IL1RL2: variants seen among roughly 807,000 people sequenced by gnomAD.
IL1RL2 encodes the protein interleukin-1 receptor-like 2.
Under a neutral mutation model 66.8 loss-of-function variants are expected in IL1RL2, and 68 were observed. The observed-to-expected ratio is 1.02, with a 90% CI of 0.84 to 1.25. The LOEUF is 1.25. Among genes scored for constraint, IL1RL2 ranks in the 50% most tolerant of loss-of-function variants. The pLI is 0.00. For missense variants in IL1RL2, 729 were observed against 709.3 expected (o/e 1.03, Z -0.32); for synonymous variants, 305 against 264.6 (o/e 1.15, Z -1.48).
chr2:102,202,811 C>A (rs1186847235), intron 5 of IL1RL2, among the ~76,000 whole-genome samples: 1 of 152,172 alleles, frequency 6.6e-6, no homozygotes, highest in Non-Finnish European at 1.5e-5. Flanking sequence ...AATATAAGAT[C>A]ATATCATTTG....
At chr2:102,187,411 G>A in intron 1 of IL1RL2, 1 of 1,130,724 alleles carries the variant, frequency 8.8e-7, no homozygotes, top group Non-Finnish European at 1.1e-6. Flanking sequence ...CCAGGCTCGG[G>A]TGGATCCCGA....
At chr2:102,202,014 A>T (rs2104761555) in intron 5 of IL1RL2, among the ~76,000 whole-genome samples, 1 of 152,344 alleles carries the variant, frequency 6.6e-6, no homozygotes, top group African/African-American at 2.4e-5. Context: ...GATGAAACAC[A>T]AGTATCTAGA....
At chr2:102,201,792 G>A (rs1363566022) in intron 5 of IL1RL2, 77 bp downstream of exon 5, 3 of 1,431,854 alleles carry the variant, frequency 2.1e-6, no homozygotes, top group Admixed American at 2.0e-5. Context: ...TTGGGTTTTG[G>A]GCTTTGAGCA....
chr2:102,212,138 A>G lies in IL1RL2; in HGVS notation c.688A>G (p.Ile230Val), dbSNP rs777007033. 3.7e-6 allele frequency: 6 copies of G among 1,613,530 alleles called. No individual in the cohort carries two copies. The highest frequency in any genetic ancestry group is 5.1e-6 in the Non-Finnish European group (6 of 1,179,532). ...ATATGGAGGAAGTGTCCCTAAAATCATTTATCCAAAAAATCATTCAATTGA... is the reference window on the plus strand; with the variant it reads ...ATATGGAGGAAGTGTCCCTAAAATCGTTTATCCAAAAAATCATTCAATTGA... Reference protein sequence around the residue: ...AGYGGSVPKIIYPKNHSIEVQ... With the variant: ...AGYGGSVPKIVYPKNHSIEVQ... The change falls in exon 6 of 12, where the codon ATT becomes GTT. Residue 230 changes from isoleucine (I) to valine (V), a missense_variant. Coordinates refer to ENST00000264257, the MANE Select transcript of IL1RL2 (RefSeq NM_003854.4).
Position 102,192,140 on chromosome 2 carries a change from T to G in IL1RL2, c.489+20T>G. The G allele has an allele frequency of 6.6e-7, 1 of 1,505,468 alleles. No individual in the cohort carries two copies. The highest frequency in any genetic ancestry group is 8.9e-7 in the Non-Finnish European group (1 of 1,118,958). 93.3% of individuals were successfully genotyped at this position (1,505,468 alleles called of 1,614,324 possible). On this transcript the variant is annotated intron_variant, in intron 4 of 11. Transcript: ENST00000264257. ...TATAAGGTAAAAAAGAATTTTCTTA[T>G]TGATATTTTTCCTCCTTTTCTTTAA...
chr2:102,226,072 C>T (rs773097260), intron 9 of IL1RL2, 31 bp downstream of exon 9: 1 of 1,529,924 alleles, frequency 6.5e-7, no homozygotes, highest in East Asian at 2.4e-5. Flanking sequence ...AAAAATGCCT[C>T]AAAATTGGTA....
chr2:102,198,662 A>AT (rs752695343), intron 4 of IL1RL2, among the ~76,000 whole-genome samples: 5 of 151,026 alleles, frequency 3.3e-5, no homozygotes, highest in Non-Finnish European at 5.9e-5. Context: ...TTTTATTTTT[A>AT]TTTTTTTCTG....
chr2:102,208,896 C>G (rs1688926266), intron 5 of IL1RL2, among the ~76,000 whole-genome samples: 1 of 152,192 alleles, frequency 6.6e-6, no homozygotes, highest in Non-Finnish European at 1.5e-5. Flanking sequence ...TTTTCCTGCT[C>G]TTGGGTTTTC....
chr2:102,188,803 GTAGAA>G (rs1686961770), intron 2 of IL1RL2, among the ~76,000 whole-genome samples: 1 of 152,084 alleles, frequency 6.6e-6, no homozygotes, highest in Non-Finnish European at 1.5e-5. Context: ...ACTAAGGGTC[GTAGAA>G]TAGAAGGGAA....
rs1281210738 is a variant in IL1RL2 at position 102,219,010 on chromosome 2, G to A, written c.782G>A (p.Arg261Gln). The A allele has an allele frequency of 1.1e-5, 18 of 1,613,494 alleles. No individual in the cohort carries two copies. The highest frequency in any genetic ancestry group is 1.1e-5 in the South Asian group (1 of 91,072). Reference protein sequence around the residue: ...VTDTKDNTNLRCWRVNNTLVD... With the variant: ...VTDTKDNTNLQCWRVNNTLVD... ...GACACCAAGGATAATACAAATCTAC[G>A]ATGCTGGAGAGTCAATAACACTTTG... The change falls in exon 7 of 12, where the codon CGA (arginine) becomes CAA (glutamine). Residue 261 changes from arginine (R) to glutamine (Q), a missense_variant. Transcript: ENST00000264257.
chr2:102,197,131 A>G (rs1253993157), intron 4 of IL1RL2, among the ~76,000 whole-genome samples: 1 of 152,186 alleles, frequency 6.6e-6, no homozygotes, highest in Non-Finnish European at 1.5e-5. Flanking sequence ...TATGGGGAAA[A>G]TTTGAAAGAG....
chr2:102,220,255 T>G (rs1309262559), intron 8 of IL1RL2, among the ~76,000 whole-genome samples: 1 of 152,220 alleles, frequency 6.6e-6, no homozygotes, highest in Non-Finnish European at 1.5e-5. Context: ...ACATCCAGAT[T>G]TTATACATCA....
In IL1RL2 at chr2:102,213,866, T is replaced by C. The variant is rs1689386768; in HGVS notation, c.724+1692T>C. ...TTGGTTAAGAACAGAAGAGTTGAGGTGGGGGTTGGGGAGAAAGTTAAACTT... is the reference window on the plus strand; with the variant it reads ...TTGGTTAAGAACAGAAGAGTTGAGGCGGGGGTTGGGGAGAAAGTTAAACTT... On this transcript the variant is annotated intron_variant, in intron 6 of 11. Coordinates refer to ENST00000264257, the MANE Select transcript of IL1RL2 (RefSeq NM_003854.4). Among the ~76,000 whole-genome samples, 3 of 152,134 alleles carry C rather than the reference T, an allele frequency of 2.0e-5. No homozygotes were observed. The South Asian group carries it at 6.2e-4, about 32-fold the overall frequency.
At chr2:102,203,260 A>G (rs1181891730) in intron 5 of IL1RL2, among the ~76,000 whole-genome samples, 1 of 151,902 alleles carries the variant, frequency 6.6e-6, no homozygotes, top group African/African-American at 2.4e-5. Context: ...TTTCTAATGT[A>G]TTGTTGAATT....
chr2:102,238,379 C>A (rs1675054404), intron 11 of IL1RL2, among the ~76,000 whole-genome samples: 1 of 152,142 alleles, frequency 6.6e-6, no homozygotes, highest in Non-Finnish European at 1.5e-5. Context: ...CCCCGGAGGA[C>A]CAAGCAAGAT....
Position 102,239,779 on chromosome 2 carries a change from G to A in IL1RL2, c.*538G>A, listed in dbSNP as rs140401020. ...CATGTCATGGTGGGTGAGATCTTGG[G>A]GGATCACCTGTCATGGTGGGTGAGA... On this transcript the variant is annotated 3_prime_UTR_variant, in exon 12 of 12. Transcript: ENST00000264257. 1.3e-5 allele frequency: 2 copies of A among 159,752 alleles called. No individual in the cohort carries two copies. Among genetic ancestry groups the A allele is most frequent in the East Asian group, 3.5e-4 (2 of 5,750 alleles). The allele number at this position is 159,752 out of a possible 1,614,324, so 9.9% of individuals were successfully genotyped here.
chr2:102,191,655 G>T (rs1419355796), intron 3 of IL1RL2, among the ~76,000 whole-genome samples: 4 of 152,178 alleles, frequency 2.6e-5, no homozygotes, highest in Non-Finnish European at 5.9e-5. Flanking sequence ...GTCCTCTTCA[G>T]AATATTACTC....
intron 2 of IL1RL2, 51 bp from the exon 3 acceptor site, chr2:102,189,025 C>T (rs1173743869): frequency 7.2e-7 from 1 of 1,390,352 alleles, no homozygotes; most frequent in African/African-American, 1.4e-5. Context: ...GTAAATAAAA[C>T]TGAAGTTTTC....
intron 9 of IL1RL2, 95 bp downstream of exon 9, chr2:102,226,136 T>C (rs1219810908): frequency 4.7e-6 from 5 of 1,072,008 alleles, no homozygotes; most frequent in Non-Finnish European, 6.4e-6. Context: ...TTTTACTACG[T>C]TGTTGGCAAA....
Sources: allele counts gnomAD v4.1 joint callset (sites outside exome capture counted in the v4.1 genomes callset), GRCh38; gene constraint gnomAD v4.1.1; transcripts MANE v1.5; gene names NCBI Gene and HGNC (gene_info 2026-07-23, HGNC 2026-07-21).